Variants in KDM2B observed in about 807,000 individuals in gnomAD.
The protein encoded by KDM2B is lysine demethylase 2B.
KDM2B carries 26 observed loss-of-function variants against 150.0 expected under a neutral mutation model. The observed-to-expected ratio is 0.17, with a 90% confidence interval of 0.13 to 0.24. KDM2B has a LOEUF of 0.24. KDM2B is among the 10% of genes least tolerant of loss of function. The pLI is 1.00. For synonymous variants in KDM2B, 734 were observed against 729.5 expected, an observed-to-expected ratio of 1.01 and a Z score of -0.10; for missense variants, 1,265 against 1,816.9, an observed-to-expected ratio of 0.70 and a Z score of 5.52.
In KDM2B at chr12:121,430,495, G is replaced by A; in HGVS notation, c.3830-26C>T. 6.3e-7 allele frequency: 1 copy of A among 1,585,764 alleles called. No homozygotes were observed. The highest frequency in any genetic ancestry group is 1.1e-5 in the South Asian group (1 of 90,452). On this transcript the variant is annotated intron_variant, in intron 22 of 22. Transcript: ENST00000377071. The surrounding 1 kb of genome is among the most constrained non-coding windows in gnomAD (Gnocchi z 4.4). ...CTGCAGAGAAGAAATAGTAATGTGAGGTGTGAAGGCCAGGAGCCAGAAGCC... is the reference window on the plus strand; with the variant it reads ...CTGCAGAGAAGAAATAGTAATGTGAAGTGTGAAGGCCAGGAGCCAGAAGCC...
the KDM2B span, chr12:121,420,555 A>G: frequency 4.3e-6 from 7 of 1,611,642 alleles, no homozygotes; most frequent in African/African-American, 8.0e-5. Context: ...GACCAGGGCT[A>G]ATGGATGCTC....
At position 121,579,963 on chromosome 12, in the gene KDM2B, T is replaced by G. The variant is rs1413872670; in HGVS notation, c.126+823A>C. The G allele has an allele frequency of 6.5e-6, 8 of 1,223,392 alleles. No individual in the cohort carries two copies. The East Asian group carries it at 2.4e-4, about 37-fold the overall frequency. 75.8% of individuals were successfully genotyped at this position (1,223,392 alleles called of 1,614,324 possible). A position where few individuals can be genotyped will look rare whatever the true frequency, so the allele number is the denominator to read the frequency against. ...ACAACCAAAAAAAAAAAAAAAAAGA[T>G]CTATCATATGCCAGATACAGATTTG... is the stretch of plus-strand genomic sequence containing the variant. On this transcript the variant is annotated intron_variant, in intron 1 of 22. Coordinates refer to ENST00000377071, the MANE Select transcript of KDM2B (RefSeq NM_032590.5).
chr12:121,500,025 C>CTCAT (rs1884372693), intron 11 of KDM2B, among the ~76,000 whole-genome samples: 1 of 152,002 alleles, frequency 6.6e-6, no homozygotes, highest in Admixed American at 6.6e-5. Flanking sequence ...GGATCTCACA[C>CTCAT]TCATACCTCC....
Position 121,520,820 on chromosome 12 carries a change from C to G in KDM2B, c.1047+165G>C, listed in dbSNP as rs544931522. Among the ~76,000 whole-genome samples the G allele has an allele frequency of 2.7e-5, 4 of 146,696 alleles. No individual in the cohort carries two copies. The East Asian group carries it at 6.2e-4, about 23-fold the overall frequency. ...TGTGGCTCCTACAGGCATTCCCCTG[C>G]CCCCCCTCCCCCGCCACAGAACCAG... On this transcript the variant is annotated intron_variant, in intron 9 of 22. Transcript: ENST00000377071. This position sits in a 1 kb window ranked among gnomAD's most constrained non-coding sequence, Gnocchi z 4.5.
intron 12 of KDM2B, among the ~76,000 whole-genome samples, chr12:121,457,739 T>TAG (rs1878483368): frequency 1.4e-5 from 2 of 145,096 alleles, no homozygotes; most frequent in South Asian, 4.4e-4. Context: ...ATCGGAAACA[T>TAG]ACACACACAC....
rs369433380 is a variant in KDM2B at position 121,563,150 on chromosome 12, C to G, written c.397+11397G>C. Among the ~76,000 whole-genome samples, 28 of 151,896 alleles carry G rather than the reference C, an allele frequency of 1.8e-4. No individual in the cohort carries two copies. The East Asian group carries it at 4.3e-3, about 23-fold the overall frequency. ...CTGGGCAACATAGCGAGACTCATCT[C>G]TACAAAAAATAAAAAATAACAACAA... On this transcript the variant is annotated intron_variant, in intron 4 of 22. Transcript: ENST00000377071.
At chr12:121,417,977 C>T in the KDM2B span, 1 of 1,490,542 alleles carries the variant, frequency 6.7e-7, no homozygotes, top group Admixed American at 2.1e-5. The surrounding 1 kb of genome is among the most constrained non-coding windows in gnomAD (Gnocchi z 5.0). Context: ...TATGGTGGGG[C>T]CTTTAGTGCT....
At chr12:121,545,140 CG>C (rs1888929882) in intron 6 of KDM2B, among the ~76,000 whole-genome samples, 1 of 152,124 alleles carries the variant, frequency 6.6e-6, no homozygotes, top group Admixed American at 6.6e-5. Context: ...AACTGTTCTA[CG>C]ATCCCGGAGG....
chr12:121,424,834 G>A (rs982659703), downstream of KDM2B, among the ~76,000 whole-genome samples: 5 of 152,074 alleles, frequency 3.3e-5, no homozygotes, highest in South Asian at 2.1e-4. Flanking sequence ...CAGGTATTGC[G>A]CTAGGTGCTG....
rs1485880847 is a variant in KDM2B, at chr12:121,518,303, A to G, written c.1047+2682T>C. ...GAGCCCTGGCATCTTATCTGGTTCC[A>G]GAATTCTCTCCCCAGTGCCTTTTGT... On this transcript the variant is annotated intron_variant, in intron 9 of 22. Coordinates refer to ENST00000377071, the MANE Select transcript of KDM2B (RefSeq NM_032590.5). The surrounding 1 kb of genome is among the most constrained non-coding windows in gnomAD (Gnocchi z 4.4). Among the ~76,000 whole-genome samples the G allele has an allele frequency of 2.0e-5, 3 of 152,258 alleles. No individual in the cohort carries two copies. Among genetic ancestry groups the G allele is most frequent in the African/African-American group, 7.2e-5 (3 of 41,476 alleles).
chr12:121,535,974 C>T, intron 6 of KDM2B: 1 of 863,748 alleles, frequency 1.2e-6, no homozygotes. Flanking sequence ...CACGCCCATG[C>T]ACCTTGGCAC....
intron 4 of KDM2B, among the ~76,000 whole-genome samples, chr12:121,555,595 A>G (rs1459236272): frequency 6.6e-6 from 1 of 152,050 alleles, no homozygotes; most frequent in African/African-American, 2.4e-5. Context: ...CTGGTGTCAA[A>G]CTCCTGGGCT....
At chr12:121,516,431 G>A (rs1555304997) in intron 9 of KDM2B, 2 of 1,209,882 alleles carry the variant, frequency 1.7e-6, no homozygotes, top group Admixed American at 4.9e-5. Context: ...TCCAAGAGAG[G>A]ACTGCGGGAA....
intron 11 of KDM2B, among the ~76,000 whole-genome samples, chr12:121,509,084 A>T (rs1197605931): frequency 1.3e-5 from 2 of 151,962 alleles, no homozygotes; most frequent in Non-Finnish European, 2.9e-5. Context: ...TTTGAGACAG[A>T]GTCTTGCTCT....
At chr12:121,419,303 C>T in the KDM2B span, among the ~76,000 whole-genome samples, 5 of 152,200 alleles carry the variant, frequency 3.3e-5, no homozygotes, top group Non-Finnish European at 5.9e-5. Flanking sequence ...CAGGCTGTGC[C>T]ATCTAGGTTT....
intron 12 of KDM2B, among the ~76,000 whole-genome samples, chr12:121,465,724 G>A (rs959043063): frequency 1.3e-5 from 2 of 152,172 alleles, no homozygotes; most frequent in Admixed American, 1.3e-4. Flanking sequence ...AAAGCTCAGT[G>A]GAGACATCAA....
chr12:121,442,034 G>C lies in KDM2B; in HGVS notation c.3284+123C>G. 1.3e-6 allele frequency: 1 copy of C among 798,358 alleles called. No homozygotes were observed. The highest frequency in any genetic ancestry group is 2.0e-6 in the Non-Finnish European group (1 of 488,430). 49.5% of individuals were successfully genotyped at this position (798,358 alleles called of 1,614,324 possible). Reference sequence around the variant, plus strand: ...CTGTAGCCAGCTGGAACGCTTTGCGGAGCACAATGAAGCCATACTGGGGTT... The same window carrying C: ...CTGTAGCCAGCTGGAACGCTTTGCGCAGCACAATGAAGCCATACTGGGGTT... On this transcript the variant is annotated intron_variant, in intron 19 of 22. Coordinates refer to ENST00000377071, the MANE Select transcript of KDM2B (RefSeq NM_032590.5). This position sits in a 1 kb window ranked among gnomAD's most constrained non-coding sequence, Gnocchi z 7.7.
chr12:121,560,196 T>C (rs1834863887), intron 4 of KDM2B, among the ~76,000 whole-genome samples: 1 of 151,874 alleles, frequency 6.6e-6, no homozygotes, highest in South Asian at 2.1e-4. Context: ...GAGACAGGGT[T>C]TCACTCTGTT....
At chr12:121,445,042 G>C in intron 14 of KDM2B, 1 of 531,102 alleles carries the variant, frequency 1.9e-6, no homozygotes, top group East Asian at 3.2e-5. Flanking sequence ...ACCCTCTCTG[G>C]TTCTGACATC....
Sources: gnomAD v4.1 joint callset for allele counts (sites outside exome capture counted in the v4.1 genomes callset) on GRCh38, gnomAD v4.1.1 for gene constraint, Gnocchi (gnomAD v3.1) non-coding constraint, MANE v1.5 for transcripts, NCBI Gene and HGNC (gene_info 2026-07-23, HGNC 2026-07-21) for gene names.